SPTBN2: variants seen among roughly 807,000 people sequenced by gnomAD.
SPTBN2 encodes spectrin beta chain, non-erythrocytic 2.
A neutral mutation model predicts 284.2 loss-of-function variants in SPTBN2; 107 were observed. The observed-to-expected ratio is 0.38, with a 90% confidence interval of 0.32 to 0.44. The LOEUF (loss-of-function observed/expected upper bound fraction) is 0.44. Ranked by LOEUF, SPTBN2 falls within the 20% of genes least tolerant of loss-of-function variation. The probability of loss-of-function intolerance (pLI) is 1.00; values close to 1 mark genes in which losing one functional copy is unlikely to be tolerated. For missense variants in SPTBN2, 2,569 were observed against 3,287.1 expected, an observed-to-expected ratio of 0.78 and a Z score of 5.34; for synonymous variants, 1,289 against 1,354.8, an observed-to-expected ratio of 0.95 and a Z score of 1.07.
In SPTBN2 at chr11:66,708,146, A is replaced by T. The variant is rs1941666496; in HGVS notation, c.1345T>A (p.Ser449Thr). ...TWLSENQRLV[S>T]QDNFGLELAA... ...CTAGGAGCCTCAAGTCCTACCTGGG[A>T]CACGAGGCGCTGGTTCTCGCTGAGC... The change falls in exon 12 of 38, where the codon TCC becomes ACC. Residue 449 changes from serine to threonine, a missense_variant. Physicochemically the swap from Ser to Thr is moderately conservative, Grantham distance 58 (BLOSUM62 1). Coordinates refer to ENST00000533211, the MANE Select transcript of SPTBN2 (RefSeq NM_006946.4). The surrounding 1 kb of genome is among the most constrained non-coding windows in gnomAD (Gnocchi z 4.4). 6.2e-7 allele frequency: 1 copy of T among 1,613,090 alleles called. No individual in the cohort carries two copies. The highest frequency in any genetic ancestry group is 8.5e-7 in the Non-Finnish European group (1 of 1,179,890).
chr11:66,715,173 G>C lies in SPTBN2; in HGVS notation c.483+49C>G, dbSNP rs765475182. On this transcript the variant is annotated intron_variant, in intron 5 of 37. Transcript: ENST00000533211. The surrounding 1 kb of genome is among the most constrained non-coding windows in gnomAD (Gnocchi z 5.3). ...TGGGCCAGCAGGAACGGCTTGCGGT[G>C]CAGAGCCAGGGCAGGAACCACACCC... 1 of 1,607,132 alleles carries C rather than the reference G, an allele frequency of 6.2e-7. No individual in the cohort carries two copies. Among genetic ancestry groups the C allele is most frequent in the African/African-American group, 1.3e-5 (1 of 74,932 alleles).
In SPTBN2 at chr11:66,715,734, C is replaced by T; in HGVS notation, c.309+96G>A. On this transcript the variant is annotated intron_variant, in intron 4 of 37. Coordinates refer to ENST00000533211, the MANE Select transcript of SPTBN2 (RefSeq NM_006946.4). The surrounding 1 kb of genome is among the most constrained non-coding windows in gnomAD (Gnocchi z 5.3). ...AGCAGAGGGAGCCACTGCTTCCCGC[C>T]CTGTGCCGTCACTCTCTCTGAGGGC... 1 of 1,533,108 alleles carries T rather than the reference C, an allele frequency of 6.5e-7. No individual in the cohort carries two copies. The highest frequency in any genetic ancestry group is 8.8e-7 in the Non-Finnish European group (1 of 1,131,078). The allele number at this position is 1,533,108 out of a possible 1,614,324, so 95.0% of individuals were successfully genotyped here.
Position 66,689,914 on chromosome 11 carries a change from T to C in SPTBN2, c.5840A>G (p.Lys1947Arg), listed in dbSNP as rs766685465. ...CTCTGCCTTGATGCCTTGCTGGTTC[T>C]TGATGACTAGATCCGCGGAGGACAC... ...RDVSSADLVIKNQQGIKAEIE... is the reference protein window; with the variant it reads ...RDVSSADLVIRNQQGIKAEIE... Residue 1947 changes from lysine (K) to arginine (R), a missense_variant, in exon 29 of 38, where the codon AAG becomes AGG. This residue lies in a region of SPTBN2 where 1,130 missense variants were observed against 1,317.3 expected (regional missense o/e 0.86). Transcript: ENST00000533211. The C allele has an allele frequency of 1.2e-6, 2 of 1,614,064 alleles. No individual in the cohort carries two copies. Among genetic ancestry groups the C allele is most frequent in the Non-Finnish European group, 1.7e-6 (2 of 1,180,006 alleles).
chr11:66,687,799 C>T lies in SPTBN2; in HGVS notation c.6501+69G>A, dbSNP rs1425319951. On this transcript the variant is annotated intron_variant, in intron 34 of 37. Transcript: ENST00000533211. This position sits in a 1 kb window ranked among gnomAD's most constrained non-coding sequence, Gnocchi z 5.2. ...CATCCCATCCCCAGTACTCCCCCACCCGCACTCACCACCCCCTCTGGACCC... is the reference window on the plus strand; with the variant it reads ...CATCCCATCCCCAGTACTCCCCCACTCGCACTCACCACCCCCTCTGGACCC... 4.4e-6 allele frequency: 7 copies of T among 1,605,358 alleles called. No individual in the cohort carries two copies. Among genetic ancestry groups the T allele is most frequent in the Middle Eastern group, 1.7e-4 (1 of 6,056 alleles).
In SPTBN2 at chr11:66,708,197, G is replaced by A. The variant is rs781504409; in HGVS notation, c.1294C>T (p.Arg432Cys). The change falls in exon 12 of 38, where the codon CGC (arginine) becomes TGC (cysteine). Residue 432 changes from arginine (R) to cysteine (C), a missense_variant. This residue lies in a region of SPTBN2 where 1,012 missense variants were observed against 1,248.9 expected (regional missense o/e 0.81). Transcript: ENST00000533211. The surrounding 1 kb of genome is among the most constrained non-coding windows in gnomAD (Gnocchi z 4.4). ...CAGGTCTCCCGCATGGCAGCCTTGC[G>A]GTCGAAGCGGGCGGCCAGCTGCTCC... ...KLEQLAARFD[R>C]KAAMRETWLS... 3.1e-5 allele frequency: 50 copies of A among 1,612,402 alleles called. No individual in the cohort carries two copies. Among genetic ancestry groups the A allele is most frequent in the Non-Finnish European group, 3.7e-5 (44 of 1,179,560 alleles).
rs376483472 is a variant in SPTBN2 at position 66,687,823 on chromosome 11, C to A, written c.6501+45G>T. On this transcript the variant is annotated intron_variant, in intron 34 of 37. Transcript: ENST00000533211. The surrounding 1 kb of genome is among the most constrained non-coding windows in gnomAD (Gnocchi z 5.2). ...CCCGCACTCACCACCCCCTCTGGAC[C>A]CTTCGCCTCACAGTTATCAACACCA... 74 of 1,613,330 alleles carry A rather than the reference C, an allele frequency of 4.6e-5. No homozygotes were observed. The highest frequency in any genetic ancestry group is 5.5e-5 in the Non-Finnish European group (65 of 1,179,418).
At chr11:66,706,077 A>G (rs953316500) in intron 13 of SPTBN2, among the ~76,000 whole-genome samples, 3 of 152,020 alleles carry the variant, frequency 2.0e-5, no homozygotes, top group African/African-American at 7.3e-5. Context: ...GCTGTGACTA[A>G]TCTTCTCAGC....
Position 66,683,258 on chromosome 11 carries a change from G to C in SPTBN2, c.*2613C>G, listed in dbSNP as rs939409743. 2.6e-5 allele frequency among the ~76,000 whole-genome samples: 4 copies of C among 151,678 alleles called. No homozygotes were observed. The highest frequency in any genetic ancestry group is 4.4e-5 in the Non-Finnish European group (3 of 67,926). ...AATTTTTGTATTTTTAGTAGAGACG[G>C]GGTTTCACCGTTTTAGCCGGGATGG... On this transcript the variant is annotated 3_prime_UTR_variant, in exon 38 of 38. Coordinates refer to ENST00000533211, the MANE Select transcript of SPTBN2 (RefSeq NM_006946.4).
Position 66,693,799 on chromosome 11 carries a change from G to A in SPTBN2, c.4566C>T (p.Ser1522=), listed in dbSNP as rs149464236. ...SSMEHGKDLP[S]VQLLMKKNQT... The stretch of plus-strand genomic sequence containing the variant: ...GGTTTTTCTTCATGAGAAGCTGGAC[G>A]CTGGGCAGGTCCTTGCCATGCTCCA... Residue 1522 remains serine (S), a synonymous_variant, in exon 23 of 38, where the codon AGC becomes AGT. Coordinates refer to ENST00000533211, the MANE Select transcript of SPTBN2 (RefSeq NM_006946.4). The surrounding 1 kb of genome is among the most constrained non-coding windows in gnomAD (Gnocchi z 5.7). 68 of 1,613,746 alleles carry A rather than the reference G, an allele frequency of 4.2e-5. No individual in the cohort carries two copies. The African/African-American group carries it at 6.7e-4, about 16-fold the overall frequency.
rs149210544 is a variant in SPTBN2 at position 66,691,965 on chromosome 11, C to CG, written c.5191-308dup. On this transcript the variant is annotated intron_variant, in intron 26 of 37. Transcript: ENST00000533211. The surrounding 1 kb of genome is among the most constrained non-coding windows in gnomAD (Gnocchi z 8.0). ...CTGAGGGTCCAAGCCCCCAAACTGT[C>CG]GGGGGGGTGGATCATACTCCGTTTT... 1.7e-3 allele frequency among the ~76,000 whole-genome samples: 264 copies of CG among 152,182 alleles called. No individual in the cohort carries two copies. The highest frequency in any genetic ancestry group is 5.9e-3 in the African/African-American group (246 of 41,526).
At chr11:66,686,248 G>A in intron 37 of SPTBN2, 144 bp from the exon 38 acceptor site, 1 of 1,380,162 alleles carries the variant, frequency 7.2e-7, no homozygotes, top group Non-Finnish European at 1.0e-6. Flanking sequence ...CTTAGACAGG[G>A]AGTGCGGCCT....
chr11:66,694,569 T>C (rs1940791810), intron 21 of SPTBN2, among the ~76,000 whole-genome samples: 1 of 152,180 alleles, frequency 6.6e-6, no homozygotes, highest in Non-Finnish European at 1.5e-5. Context: ...AAAATCCCTA[T>C]TGGGTACTGT....
intron 1 of SPTBN2, among the ~76,000 whole-genome samples, chr11:66,735,332 C>T (rs930676163): frequency 8.9e-6 from 1 of 112,292 alleles, no homozygotes; most frequent in African/African-American, 3.3e-5. Flanking sequence ...GACACCGTCT[C>T]AAAAAAAAAA....
At chr11:66,709,126 C>CA (rs1253745694) in intron 10 of SPTBN2, 107 bp from the exon 11 acceptor site, 1 of 916,892 alleles carries the variant, frequency 1.1e-6, no homozygotes, top group Admixed American at 1.9e-5. Flanking sequence ...CTTACAAAAG[C>CA]AATATAAACT....
At chr11:66,705,526 C>A (rs529163807) in intron 14 of SPTBN2, 58 bp from the exon 15 acceptor site, 14 of 1,610,124 alleles carry the variant, frequency 8.7e-6, no homozygotes, top group East Asian at 2.2e-5. Context: ...CTGCTCCCTG[C>A]CACCACACTC....
At chr11:66,696,715 G>T (rs1022923196) in intron 20 of SPTBN2, among the ~76,000 whole-genome samples, 175 bp from the exon 21 acceptor site, 4 of 152,164 alleles carry the variant, frequency 2.6e-5, no homozygotes, top group Admixed American at 2.6e-4. Context: ...CTTCTAAACT[G>T]CTGTTCCCTC....
At position 66,700,911 on chromosome 11, in the gene SPTBN2, TC is replaced by T; in HGVS notation, c.3187del (p.Glu1063ArgfsTer19). Reference protein sequence around the residue: ...TMRRREESLGEARRLQDFLRS... With the variant: ...TMRRREESLGXARRLQDFLRS... The stretch of plus-strand genomic sequence containing the variant: ...CAAGAAGTCCTGCAGCCGCCGCGCC[TC>T]CCCCAGCGACTCTTCTCGACGCCGC... On this transcript the variant is annotated frameshift_variant, in exon 17 of 38. Transcript: ENST00000533211. LOFTEE classifies it high-confidence loss of function. The surrounding 1 kb of genome is among the most constrained non-coding windows in gnomAD (Gnocchi z 6.6). 1 of 1,601,138 alleles carries T rather than the reference TC, an allele frequency of 6.2e-7. No individual in the cohort carries two copies.
chr11:66,687,815 C>T lies in SPTBN2; in HGVS notation c.6501+53G>A. 2.5e-6 allele frequency: 4 copies of T among 1,612,482 alleles called. No individual in the cohort carries two copies. Among genetic ancestry groups the T allele is most frequent in the Non-Finnish European group, 3.4e-6 (4 of 1,178,536 alleles). On this transcript the variant is annotated intron_variant, in intron 34 of 37. Transcript: ENST00000533211. The surrounding 1 kb of genome is among the most constrained non-coding windows in gnomAD (Gnocchi z 5.2). ...CTCCCCCACCCGCACTCACCACCCC[C>T]TCTGGACCCTTCGCCTCACAGTTAT...
chr11:66,713,906 C>T (rs569519085), intron 7 of SPTBN2, among the ~76,000 whole-genome samples, 160 bp from the exon 8 acceptor site: 1 of 152,316 alleles, frequency 6.6e-6, no homozygotes, highest in South Asian at 2.1e-4. Context: ...CCCCACACCA[C>T]CTCCCCTGCT....
Sources: allele counts gnomAD v4.1 joint callset (sites outside exome capture counted in the v4.1 genomes callset), GRCh38; gene constraint gnomAD v4.1.1; regional missense constraint gnomAD v4.1.1; non-coding constraint Gnocchi (gnomAD v3.1); transcripts MANE v1.5; gene names NCBI Gene and HGNC (gene_info 2026-07-23, HGNC 2026-07-21).